Variants in REXO5 observed in about 807,000 individuals in gnomAD.
The protein encoded by REXO5 is RNA exonuclease 5.
In REXO5, 48 loss-of-function variants were observed where a neutral mutation model predicts 88.5. The observed-to-expected ratio is 0.54, with a 90% CI of 0.43 to 0.69. The LOEUF (loss-of-function observed/expected upper bound fraction) is 0.69, where lower values mean the gene tolerates loss of function less well. REXO5 is among the 30% of genes least tolerant of loss of function. REXO5 has a pLI of 0.00. For missense variants in REXO5, 749 were observed against 912.2 expected (o/e 0.82, Z 2.30); for synonymous variants, 311 against 336.5 (o/e 0.92, Z 0.83).
intron 2 of REXO5, chr16:20,807,456 G>A (rs2080906909): frequency 8.0e-6 from 2 of 250,112 alleles, no homozygotes; most frequent in South Asian, 9.4e-5. Flanking sequence ...GGTAGTGGGT[G>A]ACTGTAATCC....
chr16:20,839,690 C>T, intron 13 of REXO5, 65 bp from the exon 14 acceptor site: 1 of 1,022,150 alleles, frequency 9.8e-7, no homozygotes, highest in Non-Finnish European at 1.4e-6. Context: ...TATTGTGGCT[C>T]ATATCCAGGA....
chr16:20,813,955 GAA>G (rs575844610), intron 3 of REXO5, among the ~76,000 whole-genome samples: 4 of 152,048 alleles, frequency 2.6e-5, no homozygotes, highest in Non-Finnish European at 5.9e-5. Flanking sequence ...AGTGTCTTAT[GAA>G]AAATATTTTG....
intron 5 of REXO5, among the ~76,000 whole-genome samples, chr16:20,819,559 C>T (rs1337127715): frequency 2.7e-5 from 4 of 150,262 alleles, no homozygotes; most frequent in Non-Finnish European, 4.4e-5. Flanking sequence ...AGTTGGAGAC[C>T]AGCCTGACCA....
At chr16:20,840,961 C>G (rs1596610340) in intron 15 of REXO5, among the ~76,000 whole-genome samples, 1 of 152,058 alleles carries the variant, frequency 6.6e-6, no homozygotes, top group Non-Finnish European at 1.5e-5. Flanking sequence ...ATAAAATACT[C>G]TTTCAAAAAG....
chr16:20,819,997 C>G (rs1470261560), intron 5 of REXO5, among the ~76,000 whole-genome samples: 2 of 152,148 alleles, frequency 1.3e-5, no homozygotes, highest in Non-Finnish European at 1.5e-5. Context: ...CTCAAGCAAT[C>G]CTCTTGCCTT....
intron 13 of REXO5, among the ~76,000 whole-genome samples, chr16:20,834,924 A>G (rs2081402458): frequency 6.6e-6 from 1 of 152,172 alleles, no homozygotes; most frequent in East Asian, 1.9e-4. Context: ...AATCTGTGTC[A>G]TTTTTAGATT....
At chr16:20,835,639 A>ATTTTTT (rs60258217) in intron 13 of REXO5, among the ~76,000 whole-genome samples, 1 of 150,646 alleles carries the variant, frequency 6.6e-6, no homozygotes, top group Non-Finnish European at 1.5e-5. Context: ...GTTCTTAGGA[A>ATTTTTT]TTTTTTTTTT....
At chr16:20,825,987 C>A in intron 8 of REXO5, 39 bp downstream of exon 8, 1 of 1,331,778 alleles carries the variant, frequency 7.5e-7, no homozygotes, top group Non-Finnish European at 1.1e-6. Flanking sequence ...TAAGAGCTAT[C>A]GGGCTAGAAT....
intron 4 of REXO5, among the ~76,000 whole-genome samples, 184 bp downstream of exon 4, chr16:20,815,237 C>G (rs994968310): frequency 6.6e-6 from 1 of 152,154 alleles, no homozygotes; most frequent in Admixed American, 6.5e-5. Context: ...TCTAGGCAAA[C>G]TCTTATTCCC....
At chr16:20,846,456 C>A in intron 19 of REXO5, 117 bp downstream of exon 19, 4 of 680,792 alleles carry the variant, frequency 5.9e-6, no homozygotes, top group Non-Finnish European at 1.0e-5. Flanking sequence ...TGAATCATCT[C>A]TTTAATTTTC....
intron 15 of REXO5, among the ~76,000 whole-genome samples, 168 bp downstream of exon 15, chr16:20,840,636 C>A (rs932570893): frequency 4.6e-5 from 7 of 152,006 alleles, no homozygotes; most frequent in Admixed American, 3.9e-4. Flanking sequence ...GAATGTATAC[C>A]CAGTATTGTG....
chr16:20,844,155 C>T (rs184686764), intron 16 of REXO5, 129 bp downstream of exon 16: 1 of 624,842 alleles, frequency 1.6e-6, no homozygotes, highest in Non-Finnish European at 2.8e-6. Context: ...GGAAAGTCTT[C>T]AGCCAAGTCT....
chr16:20,838,250 C>T (rs1220436744), intron 13 of REXO5, among the ~76,000 whole-genome samples: 2 of 152,110 alleles, frequency 1.3e-5, no homozygotes, highest in African/African-American at 4.8e-5. Flanking sequence ...TCCCTTTCCT[C>T]TCCTGCCTCT....
chr16:20,832,964 A>G lies in REXO5; in HGVS notation c.1263-39A>G, dbSNP rs774137138. The G allele has an allele frequency of 7.6e-6, 12 of 1,581,728 alleles. No homozygotes were observed. The South Asian group carries it at 1.0e-4, about 14-fold the overall frequency. ...GAGAAATAACTGTCAGGTTCTGGAAAACTGTTGTTCTTACCTTAACTCTTC... is the reference window on the plus strand; with the variant it reads ...GAGAAATAACTGTCAGGTTCTGGAAGACTGTTGTTCTTACCTTAACTCTTC... On this transcript the variant is annotated intron_variant, in intron 12 of 19. Transcript: ENST00000261377.
At chr16:20,826,334 A>G (rs2081259996) in intron 8 of REXO5, among the ~76,000 whole-genome samples, 1 of 152,226 alleles carries the variant, frequency 6.6e-6, no homozygotes, top group Admixed American at 6.5e-5. Context: ...GACCCCCAAA[A>G]CACAAACAAA....
intron 12 of REXO5, 28 bp downstream of exon 12, chr16:20,832,287 A>G (rs1384284766): frequency 1.4e-6 from 2 of 1,412,216 alleles, no homozygotes; most frequent in East Asian, 2.3e-5. Context: ...AAACAAGAGC[A>G]AAGACAAATG....
intron 2 of REXO5, among the ~76,000 whole-genome samples, chr16:20,812,302 G>A (rs1337781622): frequency 6.6e-6 from 1 of 152,052 alleles, no homozygotes; most frequent in East Asian, 1.9e-4. Flanking sequence ...AGAGCAGATC[G>A]CTTGAGCTCA....
Position 20,827,381 on chromosome 16 carries a change from C to T in REXO5, c.989C>T (p.Ser330Leu), listed in dbSNP as rs1020017807. Residue 330 changes from serine to leucine, a missense_variant, in exon 10 of 20, where the codon TCG becomes TTG. Physicochemically the swap from Ser to Leu is moderately radical, Grantham distance 145. Coordinates refer to ENST00000261377, the MANE Select transcript of REXO5 (RefSeq NM_030941.3). ...ATACATCCATATGTTATTGATACAT[C>T]GTTGCTTTATGTCAGAGAGCAGGGC... Reference protein sequence around the residue: ...KMIHPYVIDTSLLYVREQGRR... With the variant: ...KMIHPYVIDTLLLYVREQGRR... The T allele has an allele frequency of 3.7e-6, 6 of 1,613,144 alleles. No homozygotes were observed. The highest frequency in any genetic ancestry group is 2.7e-5 in the African/African-American group (2 of 74,908).
intron 11 of REXO5, among the ~76,000 whole-genome samples, chr16:20,831,795 A>G (rs1236869483): frequency 6.7e-6 from 1 of 149,118 alleles, no homozygotes; most frequent in Non-Finnish European, 1.5e-5. Flanking sequence ...GCATGTTTGC[A>G]GAGAAGTAAA....
Sources: gnomAD v4.1 joint callset for allele counts (sites outside exome capture counted in the v4.1 genomes callset) on GRCh38, gnomAD v4.1.1 for gene constraint, MANE v1.5 for transcripts, NCBI Gene and HGNC (gene_info 2026-07-23, HGNC 2026-07-21) for gene names.